The following PDE4D variants were observed in gnomAD, a reference collection of about 807,000 sequenced individuals.
The protein encoded by PDE4D is 3',5'-cyclic-AMP phosphodiesterase 4D.
PDE4D carries 24 observed loss-of-function variants against 87.4 expected under a neutral mutation model. The ratio of observed to expected loss-of-function variants is 0.27; its 90% confidence interval spans 0.20 to 0.39. The LOEUF (loss-of-function observed/expected upper bound fraction) is 0.39. PDE4D is among the 10% of genes least tolerant of loss of function. The pLI is 1.00. For synonymous variants in PDE4D, 384 were observed against 383.2 expected (o/e 1.00, Z -0.02); for missense variants, 714 against 1,041.0 (o/e 0.69, Z 4.32).
At chr5:59,456,172 T>C (rs927956644) in intron 1 of PDE4D, among the ~76,000 whole-genome samples, 1 of 152,168 alleles carries the variant, frequency 6.6e-6, no homozygotes, top group South Asian at 2.1e-4. Flanking sequence ...TGGAATGATA[T>C]GGTTTGGCTG....
chr5:59,732,394 T>TCTCACACACACACACA (rs1554072567), intron 1 of PDE4D, among the ~76,000 whole-genome samples: 1 of 146,128 alleles, frequency 6.8e-6, no homozygotes, highest in African/African-American at 2.5e-5. Flanking sequence ...CAGGAGACAT[T>TCTCACACACACACACA]CACACACACA....
intron 1 of PDE4D, among the ~76,000 whole-genome samples, chr5:59,309,467 G>C (rs1581885773): frequency 1.3e-5 from 2 of 152,140 alleles, no homozygotes; most frequent in East Asian, 3.8e-4. Flanking sequence ...ATTTCACTCA[G>C]CTCTCCACAT....
At chr5:59,031,363 ATATATATATATATATATATATATATATAT>A (rs1198456698) in intron 6 of PDE4D, among the ~76,000 whole-genome samples, 7 of 31,584 alleles carry the variant, frequency 2.2e-4, no homozygotes, top group African/African-American at 4.3e-4. Context: ...AGAAAATGTG[ATATATATATATATATATATATATATATAT>A]TATATATATA....
chr5:59,766,583 C>T (rs1762823311), intron 1 of PDE4D, among the ~76,000 whole-genome samples: 1 of 152,188 alleles, frequency 6.6e-6, no homozygotes, highest in Non-Finnish European at 1.5e-5. Context: ...ACTCATTCAG[C>T]AATGGGTGCA....
At chr5:59,236,241 C>T (rs1036591294) in intron 1 of PDE4D, among the ~76,000 whole-genome samples, 2 of 152,108 alleles carry the variant, frequency 1.3e-5, no homozygotes, top group Admixed American at 1.3e-4. Flanking sequence ...TGATGCTGGG[C>T]AATACTACTG....
chr5:59,310,238 T>A (rs1160941572), intron 1 of PDE4D, among the ~76,000 whole-genome samples: 2 of 152,130 alleles, frequency 1.3e-5, no homozygotes, highest in African/African-American at 2.4e-5. Context: ...TACACCCTAT[T>A]ATGCTTCCTT....
chr5:59,072,158 T>G (rs183462604), intron 5 of PDE4D, among the ~76,000 whole-genome samples: 37 of 152,290 alleles, frequency 2.4e-4, no homozygotes, highest in African/African-American at 8.4e-4. Context: ...TACATCCACT[T>G]TTTGATGATC....
At chr5:59,590,916 C>T (rs1825837959) in intron 1 of PDE4D, among the ~76,000 whole-genome samples, 2 of 152,144 alleles carry the variant, frequency 1.3e-5, no homozygotes, top group South Asian at 4.1e-4. Context: ...CGGTGTCCCA[C>T]GTCCTTTTCC....
At chr5:59,818,654 T>C (rs973337931) in intron 1 of PDE4D, among the ~76,000 whole-genome samples, 1 of 152,142 alleles carries the variant, frequency 6.6e-6, no homozygotes, top group Non-Finnish European at 1.5e-5. Context: ...AACTGCAAAG[T>C]CATTTGAACA....
At chr5:59,139,554 C>A (rs1208598030) in intron 5 of PDE4D, among the ~76,000 whole-genome samples, 2 of 152,162 alleles carry the variant, frequency 1.3e-5, no homozygotes, top group East Asian at 1.9e-4. Flanking sequence ...GTGGAGCAAT[C>A]ACGGCTCACT....
Position 59,196,031 on chromosome 5 carries a change from TGAGA to T in PDE4D, c.648-2499_648-2496del, listed in dbSNP as rs141137629. On this transcript the variant is annotated intron_variant, in intron 2 of 14. Transcript: ENST00000340635. Reference sequence around the variant, plus strand: ...GGACCTAAACTAAATCAGTGGTAGTTGAGAGAGAGAGAGAGAGGGACGATGACAG... The same window carrying T: ...GGACCTAAACTAAATCAGTGGTAGTTGAGAGAGAGAGAGGGACGATGACAG... Among the ~76,000 whole-genome samples, 7 of 148,600 alleles carry T rather than the reference TGAGA, an allele frequency of 4.7e-5. No individual in the cohort carries two copies. In the East Asian group the frequency reaches 9.8e-4, roughly 21 times the overall value.
chr5:59,161,934 T>G (rs1187570312), intron 5 of PDE4D, among the ~76,000 whole-genome samples: 2 of 152,318 alleles, frequency 1.3e-5, no homozygotes, highest in Non-Finnish European at 2.9e-5. Flanking sequence ...CTAGCTTAAC[T>G]TTTTCTTTTA....
chr5:59,735,705 G>A (rs1757975041), intron 1 of PDE4D, among the ~76,000 whole-genome samples: 1 of 151,674 alleles, frequency 6.6e-6, no homozygotes, highest in Non-Finnish European at 1.5e-5. Flanking sequence ...CTCGCTTCAT[G>A]GCCCAGGCTG....
intron 1 of PDE4D, among the ~76,000 whole-genome samples, chr5:59,318,652 A>G (rs1774169940): frequency 6.6e-6 from 1 of 152,172 alleles, no homozygotes; most frequent in African/African-American, 2.4e-5. Context: ...GAATTTATGG[A>G]AAGAGAAAAT....
chr5:59,713,703 C>G (rs1754553803), intron 1 of PDE4D, among the ~76,000 whole-genome samples: 1 of 152,162 alleles, frequency 6.6e-6, no homozygotes, highest in Non-Finnish European at 1.5e-5. Context: ...AGGGTGAACT[C>G]TGTTGGAAAC....
chr5:59,337,451 G>C (rs763624304), intron 1 of PDE4D, among the ~76,000 whole-genome samples: 2 of 150,802 alleles, frequency 1.3e-5, no homozygotes, highest in Non-Finnish European at 2.9e-5. Context: ...TCCTGCGTCA[G>C]CCTAAGTTCC....
intron 5 of PDE4D, among the ~76,000 whole-genome samples, chr5:59,127,047 T>G (rs991678924): frequency 6.6e-6 from 1 of 152,222 alleles, no homozygotes; most frequent in Non-Finnish European, 1.5e-5. Flanking sequence ...AGGTAACCGT[T>G]GAATTATAGC....
intron 1 of PDE4D, among the ~76,000 whole-genome samples, chr5:59,732,842 G>A (rs932637622): frequency 3.9e-5 from 6 of 152,038 alleles, no homozygotes; most frequent in Non-Finnish European, 8.8e-5. Flanking sequence ...CATATCACAA[G>A]TAAGTTGTGA....
chr5:60,290,057 G>T (rs1752751278), intron 1 of PDE4D, among the ~76,000 whole-genome samples: 1 of 152,184 alleles, frequency 6.6e-6, no homozygotes, highest in Admixed American at 6.5e-5. Context: ...TCACAGAGAG[G>T]TTGGTACTCA....
Sources: gnomAD v4.1 joint callset for allele counts (sites outside exome capture counted in the v4.1 genomes callset) on GRCh38, gnomAD v4.1.1 for gene constraint, MANE v1.5 for transcripts, NCBI Gene and HGNC (gene_info 2026-07-23, HGNC 2026-07-21) for gene names.